PRORP: variants seen among roughly 807,000 people sequenced by gnomAD.
The protein encoded by PRORP is protein only RNase P catalytic subunit, also known as mitochondrial ribonuclease P catalytic subunit.
PRORP carries 51 observed loss-of-function variants against 59.4 expected under a neutral mutation model. The ratio of observed to expected loss-of-function variants is 0.86; its 90% CI spans 0.69 to 1.08. PRORP has a LOEUF of 1.08. Ranked by LOEUF, PRORP falls within the 50% of genes least tolerant of loss-of-function variation. PRORP has a pLI of 0.00. For synonymous variants in PRORP, 231 were observed against 245.6 expected (o/e 0.94, Z 0.55); for missense variants, 646 against 690.3 (o/e 0.94, Z 0.72).
chr14:35,149,655 A>T (rs2047695993), intron 4 of PRORP, among the ~76,000 whole-genome samples: 1 of 152,194 alleles, frequency 6.6e-6, no homozygotes, highest in South Asian at 2.1e-4. Context: ...GCTTTGGCTT[A>T]AGAGAATGTT....
At position 35,274,473 on chromosome 14, in the gene PRORP, T is replaced by G. The variant is rs2051270954; in HGVS notation, c.*907T>G. ...GACCAGCCTAGGCAACATAGTAAGATCTCATTTCTACAAAAAATTTAAAAA... is the reference window on the plus strand; with the variant it reads ...GACCAGCCTAGGCAACATAGTAAGAGCTCATTTCTACAAAAAATTTAAAAA... On this transcript the variant is annotated 3_prime_UTR_variant, in exon 8 of 8. Coordinates refer to ENST00000534898, the MANE Select transcript of PRORP (RefSeq NM_014672.4). 2 of 152,056 alleles carry G rather than the reference T, an allele frequency of 1.3e-5. No individual in the cohort carries two copies. The highest frequency in any genetic ancestry group is 4.8e-5 in the African/African-American group (2 of 41,390). The allele number at this position is 152,056 out of a possible 1,614,324, so 9.4% of individuals were successfully genotyped here. A position where few individuals can be genotyped will look rare whatever the true frequency, so the allele number is the denominator to read the frequency against.
At chr14:35,189,182 T>C (rs1269079886) in intron 5 of PRORP, among the ~76,000 whole-genome samples, 2 of 152,164 alleles carry the variant, frequency 1.3e-5, no homozygotes, top group Non-Finnish European at 2.9e-5. Context: ...GACTAAGTCT[T>C]ACTACTTTTC....
intron 5 of PRORP, among the ~76,000 whole-genome samples, chr14:35,227,252 G>A (rs576467314): frequency 6.6e-6 from 1 of 151,624 alleles, no homozygotes. Flanking sequence ...GACCATCCTG[G>A]CCAACATGGT....
rs1050318825 is a variant in PRORP at position 35,276,021 on chromosome 14, G to T, written c.*2455G>T. 2.0e-5 allele frequency: 3 copies of T among 152,196 alleles called. No individual in the cohort carries two copies. Among genetic ancestry groups the T allele is most frequent in the African/African-American group, 7.2e-5 (3 of 41,380 alleles). The allele number at this position is 152,196 out of a possible 1,614,324, so 9.4% of individuals were successfully genotyped here. On this transcript the variant is annotated 3_prime_UTR_variant, in exon 8 of 8. Coordinates refer to ENST00000534898, the MANE Select transcript of PRORP (RefSeq NM_014672.4). ...TCTTCTACTGGCACATAGAGATGGG[G>T]GAGGAGTCAGGGCATGGTGGCCCAC...
intron 4 of PRORP, among the ~76,000 whole-genome samples, chr14:35,149,680 G>A (rs2047696606): frequency 6.6e-6 from 1 of 152,158 alleles, no homozygotes; most frequent in African/African-American, 2.4e-5. Context: ...CTGGTTTGAT[G>A]TTTCATCCAG....
At chr14:35,221,747 G>C (rs2049790177) in intron 5 of PRORP, among the ~76,000 whole-genome samples, 1 of 152,168 alleles carries the variant, frequency 6.6e-6, no homozygotes, top group African/African-American at 2.4e-5. Flanking sequence ...CCCCTTTTCT[G>C]AGCGGTTGTT....
At chr14:35,215,797 C>T (rs1019092348) in intron 5 of PRORP, among the ~76,000 whole-genome samples, 2 of 151,510 alleles carry the variant, frequency 1.3e-5, no homozygotes, top group Admixed American at 6.6e-5. Flanking sequence ...GACAGGGTCT[C>T]ACCCTGTCGC....
rs1238396680 is a variant in PRORP at position 35,269,620 on chromosome 14, C to T, written c.1425-781C>T. 3.3e-5 allele frequency among the ~76,000 whole-genome samples: 5 copies of T among 152,240 alleles called. No individual in the cohort carries two copies. In the East Asian group the frequency reaches 9.6e-4, roughly 29 times the overall value. On this transcript the variant is annotated intron_variant, in intron 6 of 7. Coordinates refer to ENST00000534898, the MANE Select transcript of PRORP (RefSeq NM_014672.4). ...CATTTTGCTAATTTTGTTCCATAAA[C>T]CGAATACATTTTTTCTTTTTCTTTT...
intron 6 of PRORP, among the ~76,000 whole-genome samples, chr14:35,268,670 A>G (rs2051108686): frequency 1.3e-5 from 2 of 152,120 alleles, no homozygotes; most frequent in South Asian, 2.1e-4. Flanking sequence ...ATCTTTGCTC[A>G]TGGCAACCTC....
chr14:35,250,877 A>T, intron 5 of PRORP, among the ~76,000 whole-genome samples: 1 of 151,602 alleles, frequency 6.6e-6, no homozygotes. Context: ...GTTTTTTAAA[A>T]TTTTTTATTT....
chr14:35,212,735 A>G (rs1237135722), intron 5 of PRORP, among the ~76,000 whole-genome samples: 1 of 152,162 alleles, frequency 6.6e-6, no homozygotes, highest in African/African-American at 2.4e-5. Flanking sequence ...GGATTTTTGG[A>G]CTGGTGAGTG....
chr14:35,236,197 ATG>A (rs980427561), intron 5 of PRORP, among the ~76,000 whole-genome samples: 25 of 152,152 alleles, frequency 1.6e-4, no homozygotes, highest in African/African-American at 5.8e-4. Context: ...AGGATTAGAC[ATG>A]TCTCATTCCA....
At chr14:35,231,439 T>A (rs1278669491) in intron 5 of PRORP, among the ~76,000 whole-genome samples, 2 of 152,226 alleles carry the variant, frequency 1.3e-5, no homozygotes, top group East Asian at 3.8e-4. Context: ...CTATAGATTT[T>A]TTTTTATGTA....
rs2047469482 is a variant in PRORP, at chr14:35,141,036, T to C, written c.1167+13425T>C. Among the ~76,000 whole-genome samples the C allele has an allele frequency of 1.4e-5, 2 of 145,552 alleles. 1 individual carries two copies. Among genetic ancestry groups the C allele is most frequent in the Admixed American group, 1.4e-4 (2 of 14,012 alleles). On this transcript the variant is annotated intron_variant, in intron 4 of 7. Coordinates refer to ENST00000534898, the MANE Select transcript of PRORP (RefSeq NM_014672.4). ...GTCATTTCTGTGTAAGTCAGATTAG[T>C]GATAGTAGGTAGAGAAAAGAGTGGT...
chr14:35,254,995 G>A (rs1398489775), intron 5 of PRORP, among the ~76,000 whole-genome samples: 1 of 152,094 alleles, frequency 6.6e-6, no homozygotes, highest in African/African-American at 2.4e-5. Context: ...TTCCTCTGTG[G>A]TGACTTCCCT....
chr14:35,210,001 G>GT (rs1188753986), intron 5 of PRORP, among the ~76,000 whole-genome samples: 1 of 152,034 alleles, frequency 6.6e-6, no homozygotes, highest in Non-Finnish European at 1.5e-5. Context: ...AGATCTTTAA[G>GT]TTTCTCTTAT....
intron 5 of PRORP, among the ~76,000 whole-genome samples, chr14:35,206,109 C>T (rs1042433974): frequency 6.6e-6 from 1 of 152,194 alleles, no homozygotes; most frequent in African/African-American, 2.4e-5. Flanking sequence ...ACTTGAAGTG[C>T]ATTTTCAGAC....
chr14:35,192,799 G>A (rs1296011982), intron 5 of PRORP, among the ~76,000 whole-genome samples: 1 of 151,978 alleles, frequency 6.6e-6, no homozygotes, highest in Non-Finnish European at 1.5e-5. Flanking sequence ...TTCAAGACCA[G>A]CCTGACCAAC....
intron 5 of PRORP, among the ~76,000 whole-genome samples, chr14:35,249,613 T>A (rs1211685810): frequency 6.6e-6 from 1 of 152,032 alleles, no homozygotes; most frequent in African/African-American, 2.4e-5. Context: ...TTACCTGGCT[T>A]TTTTGTTGTT....
Sources: allele counts gnomAD v4.1 joint callset (sites outside exome capture counted in the v4.1 genomes callset), GRCh38; gene constraint gnomAD v4.1.1; transcripts MANE v1.5; gene names NCBI Gene and HGNC (gene_info 2026-07-23, HGNC 2026-07-21).